TXLNG: variants seen among roughly 807,000 people sequenced by gnomAD.
TXLNG encodes the protein gamma-taxilin.
A neutral mutation model predicts 38.8 loss-of-function variants in TXLNG; 5 were observed. The observed-to-expected ratio is 0.13, with a 90% CI of 0.07 to 0.27. The LOEUF (loss-of-function observed/expected upper bound fraction) is 0.27, where lower values mean the gene tolerates loss of function less well. Ranked by LOEUF, TXLNG falls within the 10% of genes least tolerant of loss-of-function variation. The pLI is 1.00. For missense variants in TXLNG, 393 were observed against 398.2 expected (o/e 0.99, Z 0.11); for synonymous variants, 182 against 158.2 (o/e 1.15, Z -1.13).
At chrX:16,820,348 C>A in intron 3 of TXLNG, 93 bp downstream of exon 3, 1 of 613,627 alleles carries the variant, frequency 1.6e-6, no homozygotes, top group Non-Finnish European at 2.5e-6. Flanking sequence ...TTTGATATGG[C>A]CTTAAATGTA....
chrX:16,809,029 T>C (rs1244419690), intron 1 of TXLNG, among the ~76,000 whole-genome samples: 3 of 112,096 alleles, frequency 2.7e-5, no homozygotes, highest in African/African-American at 9.7e-5. Context: ...ATTTTACCTT[T>C]GACATTTTAC....
At chrX:16,831,254 G>A (rs968404180) in intron 5 of TXLNG, among the ~76,000 whole-genome samples, 2 of 112,049 alleles carry the variant, frequency 1.8e-5, no homozygotes, top group Non-Finnish European at 3.8e-5. Context: ...GTAATATGGC[G>A]AAAGCCTGTC....
chrX:16,786,566 C>G lies in TXLNG; in HGVS notation c.79C>G (p.Arg27Gly), dbSNP rs1254217785. The change falls in exon 1 of 10, where the codon CGG becomes GGG. Residue 27 changes from arginine to glycine, a missense_variant. Transcript: ENST00000380122. ...GGCGACTGAGGCCGGACGGGGCGGA[C>G]GGCGACGCAGCCCGCGGCAGAAGGT... ...EEATEAGRGGRRRSPRQKFEI... is the reference protein window; with the variant it reads ...EEATEAGRGGGRRSPRQKFEI... 9.3e-7 allele frequency: 1 copy of G among 1,076,667 alleles called. No homozygotes were observed. The highest frequency in any genetic ancestry group is 3.9e-5 in the East Asian group (1 of 25,877). 88.7% of individuals were successfully genotyped at this position (1,076,667 alleles called of 1,213,427 possible). A position where few individuals can be genotyped will look rare whatever the true frequency, so the allele number is the denominator to read the frequency against.
rs577523727 is a variant in TXLNG, at chrX:16,837,537, G to A, written c.1060-56G>A. 2.0e-4 allele frequency: 182 copies of A among 913,394 alleles called. 5 individuals are homozygous for A. In the South Asian group the frequency reaches 4.2e-3, roughly 21 times the overall value. The allele number at this position is 913,394 out of a possible 1,213,427, so 75.3% of individuals were successfully genotyped here. On this transcript the variant is annotated intron_variant, in intron 7 of 9. Coordinates refer to ENST00000380122, the MANE Select transcript of TXLNG (RefSeq NM_018360.3). ...CCATACTACGTTCTTTTGAAAGTTT[G>A]GGAACTGGAATTGTTTGCATGGAAC...
intron 3 of TXLNG, among the ~76,000 whole-genome samples, chrX:16,826,668 C>T (rs1929177940): frequency 9.0e-6 from 1 of 111,571 alleles, no homozygotes; most frequent in Admixed American, 9.5e-5. Flanking sequence ...CACGGTGGCT[C>T]ATGCCTGTAT....
At chrX:16,806,619 TA>T (rs1157544344) in intron 1 of TXLNG, among the ~76,000 whole-genome samples, 100 of 109,634 alleles carry the variant, frequency 9.1e-4, no homozygotes, top group African/African-American at 3.3e-3. Flanking sequence ...CCGTCTCTAC[TA>T]AAAAATACAA....
chrX:16,818,065 G>A (rs1928808220), intron 1 of TXLNG, among the ~76,000 whole-genome samples: 1 of 111,218 alleles, frequency 9.0e-6, no homozygotes, highest in African/African-American at 3.3e-5. Context: ...CAGTTGGTGG[G>A]AACTTCACGT....
At chrX:16,791,974 T>C (rs767655445) in intron 1 of TXLNG, among the ~76,000 whole-genome samples, 22 of 112,448 alleles carry the variant, frequency 2.0e-4, no homozygotes, top group Non-Finnish European at 3.9e-4. Context: ...CAAATCCAAA[T>C]GACATAAAAC....
At chrX:16,803,488 G>A (rs1293286730) in intron 1 of TXLNG, 1 of 105,959 alleles carries the variant, frequency 9.4e-6, no homozygotes, top group East Asian at 3.1e-4. Flanking sequence ...CGGAGTAGCT[G>A]GGACTACAGG....
chrX:16,820,969 C>T (rs967922541), intron 3 of TXLNG, among the ~76,000 whole-genome samples: 10 of 108,276 alleles, frequency 9.2e-5, no homozygotes, highest in African/African-American at 3.4e-4. Context: ...TGGGGTTTCA[C>T]CGTGTTAGCC....
intron 1 of TXLNG, among the ~76,000 whole-genome samples, chrX:16,789,321 G>A (rs1298340669): frequency 1.8e-5 from 2 of 110,287 alleles, no homozygotes; most frequent in Non-Finnish European, 3.8e-5. Context: ...GGTCTCTTGA[G>A]GTAACCTTTT....
chrX:16,795,264 G>A (rs930938313), intron 1 of TXLNG, among the ~76,000 whole-genome samples: 2 of 110,592 alleles, frequency 1.8e-5, no homozygotes, highest in Non-Finnish European at 1.9e-5. Context: ...GCGACAGAGC[G>A]AGACACTGTC....
At chrX:16,789,703 G>T in intron 1 of TXLNG, among the ~76,000 whole-genome samples, 1 of 107,531 alleles carries the variant, frequency 9.3e-6, no homozygotes, top group East Asian at 2.8e-4. Context: ...AAAATTAATA[G>T]ACTTTTTTTG....
At chrX:16,816,997 A>G (rs980133236) in intron 1 of TXLNG, among the ~76,000 whole-genome samples, 2 of 112,005 alleles carry the variant, frequency 1.8e-5, no homozygotes, top group African/African-American at 3.2e-5. Context: ...CCTGATTTCT[A>G]GCACCATTTA....
At chrX:16,794,029 A>G (rs1927791471) in intron 1 of TXLNG, among the ~76,000 whole-genome samples, 1 of 111,642 alleles carries the variant, frequency 9.0e-6, no homozygotes, top group East Asian at 2.8e-4. Context: ...TATACCTATT[A>G]TATCTACTTA....
chrX:16,843,497 C>T lies in TXLNG; in HGVS notation c.*1731C>T, dbSNP rs1172443231. 1 of 111,856 alleles carries T rather than the reference C, an allele frequency of 8.9e-6. No homozygotes were observed. Among genetic ancestry groups the T allele is most frequent in the Non-Finnish European group, 1.9e-5 (1 of 53,155 alleles). The allele number at this position is 111,856 out of a possible 1,213,427, so 9.2% of individuals were successfully genotyped here. A position where few individuals can be genotyped will look rare whatever the true frequency, so the allele number is the denominator to read the frequency against. The stretch of plus-strand genomic sequence containing the variant: ...CTCCAACAGCCTCTTAGGAGTACAC[C>T]CTGTTCTGCTACTAAAATACTAGAC... On this transcript the variant is annotated 3_prime_UTR_variant, in exon 10 of 10. Coordinates refer to ENST00000380122, the MANE Select transcript of TXLNG (RefSeq NM_018360.3).
intron 1 of TXLNG, among the ~76,000 whole-genome samples, chrX:16,809,645 A>G (rs925980669): frequency 1.8e-5 from 2 of 110,693 alleles, no homozygotes; most frequent in Non-Finnish European, 3.8e-5. Context: ...CACCAGGCCA[A>G]GATATTTTCT....
intron 8 of TXLNG, among the ~76,000 whole-genome samples, chrX:16,838,202 A>G (rs772361900): frequency 8.9e-6 from 1 of 111,917 alleles, no homozygotes; most frequent in South Asian, 3.7e-4. Flanking sequence ...TTTCCTGCCT[A>G]TGTTAAGGAA....
At chrX:16,827,463 T>A (rs1172072372) in intron 3 of TXLNG, among the ~76,000 whole-genome samples, 1 of 111,399 alleles carries the variant, frequency 9.0e-6, no homozygotes, top group African/African-American at 3.3e-5. Context: ...TTGGGCAGTG[T>A]TCCCAGTGGG....
Sources: allele counts gnomAD v4.1 joint callset (sites outside exome capture counted in the v4.1 genomes callset), GRCh38; gene constraint gnomAD v4.1.1; transcripts MANE v1.5; gene names NCBI Gene and HGNC (gene_info 2026-07-23, HGNC 2026-07-21).